PES1: variants seen among roughly 807,000 people sequenced by gnomAD.
The protein encoded by PES1 is pescadillo ribosomal biogenesis factor 1.
In PES1, 31 loss-of-function variants were observed where a neutral mutation model predicts 77.1. The observed-to-expected ratio is 0.40, with a 90% CI of 0.30 to 0.54. PES1 has a LOEUF of 0.54. Ranked by LOEUF, PES1 falls within the 20% of genes least tolerant of loss-of-function variation. The pLI is 0.45. For missense variants in PES1, 658 were observed against 771.7 expected (o/e 0.85, Z 1.75); for synonymous variants, 282 against 303.0 (o/e 0.93, Z 0.72).
chr22:30,593,262 G>A (rs770292891), upstream of PES1, among the ~76,000 whole-genome samples: 9 of 152,104 alleles, frequency 5.9e-5, no homozygotes, highest in Admixed American at 1.3e-4. Flanking sequence ...TGAGGCAGGC[G>A]GATCACCTGA....
At chr22:30,600,454 G>GT (rs1283959061) in intron 2 of PES1, among the ~76,000 whole-genome samples, 1 of 152,098 alleles carries the variant, frequency 6.6e-6, no homozygotes, top group Admixed American at 6.5e-5. Context: ...AAGCTGAGGT[G>GT]TGAGCATCGC....
chr22:30,579,336 G>A (rs988642431), intron 12 of PES1, 33 bp from the exon 13 acceptor site: 1 of 1,599,366 alleles, frequency 6.3e-7, no homozygotes, highest in Non-Finnish European at 8.5e-7. Flanking sequence ...GAATGCCCTG[G>A]GAATCTACTG....
intron 12 of PES1, 92 bp from the exon 13 acceptor site, chr22:30,579,395 TGC>T (rs2086948256): frequency 1.3e-6 from 2 of 1,577,808 alleles, no homozygotes; most frequent in Non-Finnish European, 1.7e-6. Flanking sequence ...TCTCTGACCC[TGC>T]CGTCTTTAGC....
chr22:30,580,736 G>C (rs754187400), intron 9 of PES1, 35 bp from the exon 10 acceptor site: 1 of 1,610,804 alleles, frequency 6.2e-7, no homozygotes, highest in Non-Finnish European at 8.5e-7. Flanking sequence ...GCACCACCAG[G>C]GCTGCCCACC....
chr22:30,579,564 C>T (rs368899917), intron 12 of PES1, 187 bp downstream of exon 12: 10 of 696,966 alleles, frequency 1.4e-5, no homozygotes, highest in African/African-American at 7.2e-5. Context: ...GCTCAGTCAT[C>T]CTGAACGTCA....
chr22:30,581,712 C>T, intron 6 of PES1, 68 bp from the exon 7 acceptor site: 1 of 1,095,464 alleles, frequency 9.1e-7, no homozygotes. Context: ...GACAGACAAC[C>T]CACAGAGTGG....
chr22:30,584,862 C>T, intron 4 of PES1, 145 bp from the exon 5 acceptor site: 2 of 722,438 alleles, frequency 2.8e-6, no homozygotes, highest in Non-Finnish European at 2.3e-6. Flanking sequence ...AGCAGCTTCC[C>T]CACAGCTGAC....
upstream of PES1, chr22:30,591,983 G>C (rs1569028597): frequency 7.2e-7 from 1 of 1,379,688 alleles, no homozygotes; most frequent in South Asian, 1.7e-5. Flanking sequence ...CAAGTCCAGG[G>C]AAAGATGGGG....
At chr22:30,585,431 G>A in intron 4 of PES1, 1 of 445,494 alleles carries the variant, frequency 2.2e-6, no homozygotes, top group Non-Finnish European at 4.7e-6. Context: ...AACGACACCT[G>A]GATTCCAGTC....
chr22:30,586,825 T>C (rs1302228740), intron 4 of PES1, among the ~76,000 whole-genome samples: 1 of 152,316 alleles, frequency 6.6e-6, no homozygotes, highest in South Asian at 2.1e-4. Flanking sequence ...TGGTGGTGTC[T>C]GTAATCCCAA....
chr22:30,587,055 C>T (rs951149350), intron 4 of PES1: 108 of 507,636 alleles, frequency 2.1e-4, no homozygotes, highest in African/African-American at 1.8e-3. Flanking sequence ...ATTGTGCTTC[C>T]GCGGGCTGGC....
At chr22:30,591,670 C>G (rs1355932324) in intron 1 of PES1, 140 bp downstream of exon 1, 3 of 873,256 alleles carry the variant, frequency 3.4e-6, no homozygotes, top group Non-Finnish European at 5.1e-6. Flanking sequence ...ATTCTCGGAC[C>G]CCTTCTCGCA....
chr22:30,587,890 C>T, intron 3 of PES1, 131 bp downstream of exon 3: 1 of 873,316 alleles, frequency 1.1e-6, no homozygotes, highest in Non-Finnish European at 1.8e-6. Context: ...CCAAGTACTT[C>T]TGTTGAGGCT....
Position 30,588,276 on chromosome 22 carries a change from G to T in PES1, c.105-102C>A, listed in dbSNP as rs965291725. 1.0e-5 allele frequency: 14 copies of T among 1,381,016 alleles called. No homozygotes were observed. The Admixed American group carries it at 2.6e-4, about 26-fold the overall frequency. The allele number at this position is 1,381,016 out of a possible 1,614,324, so 85.5% of individuals were successfully genotyped here. ...AACAACAGTAAATGGGGAACATGGG[G>T]TCCCTGCCCTTAGAGACCTCACATC... On this transcript the variant is annotated intron_variant, in intron 2 of 14. Transcript: ENST00000354694.
upstream of PES1, among the ~76,000 whole-genome samples, chr22:30,593,044 G>T (rs936114513): frequency 6.6e-5 from 10 of 152,050 alleles, no homozygotes; most frequent in African/African-American, 2.4e-4. Flanking sequence ...TAAATTTGAG[G>T]CTCTTGTGAA....
At position 30,576,981 on chromosome 22, in the gene PES1, TG is replaced by T; in HGVS notation, c.*64del. On this transcript the variant is annotated 3_prime_UTR_variant, in exon 15 of 15. Coordinates refer to ENST00000354694, the MANE Select transcript of PES1 (RefSeq NM_014303.4). ...TCTGGTCCATCACACTTAGGTCCTC[TG>T]GCCTGCCTCTGCCACATCCAGCTGC... is the stretch of plus-strand genomic sequence containing the variant. 7.4e-7 allele frequency: 1 copy of T among 1,352,262 alleles called. No homozygotes were observed. Among genetic ancestry groups the T allele is most frequent in the Non-Finnish European group, 1.1e-6 (1 of 942,810 alleles). The allele number at this position is 1,352,262 out of a possible 1,614,324, so 83.8% of individuals were successfully genotyped here. A position where few individuals can be genotyped will look rare whatever the true frequency, so the allele number is the denominator to read the frequency against.
chr22:30,606,277 C>T (rs2087440002), intron 1 of PES1, among the ~76,000 whole-genome samples: 1 of 152,142 alleles, frequency 6.6e-6, no homozygotes, highest in Non-Finnish European at 1.5e-5. Flanking sequence ...GTCACCCAAG[C>T]TGGAGTGCAG....
At chr22:30,596,084 CA>C (rs2087248579), upstream of PES1, among the ~76,000 whole-genome samples, 1 of 152,126 alleles carries the variant, frequency 6.6e-6, no homozygotes, top group African/African-American at 2.4e-5. Flanking sequence ...AACTGGTGGG[CA>C]AATTACATCA....
chr22:30,597,804 A>C (rs9621042), intron 2 of PES1, among the ~76,000 whole-genome samples: 1 of 151,754 alleles, frequency 6.6e-6, no homozygotes, highest in Non-Finnish European at 1.5e-5. Flanking sequence ...GGGTGGGGCC[A>C]GATAAGAGAA....
Sources: gnomAD v4.1 joint callset for allele counts (sites outside exome capture counted in the v4.1 genomes callset) on GRCh38, gnomAD v4.1.1 for gene constraint, MANE v1.5 for transcripts, NCBI Gene and HGNC (gene_info 2026-07-23, HGNC 2026-07-21) for gene names.